The following MAST4 variants were observed in gnomAD, a reference collection of about 807,000 sequenced individuals.
MAST4 encodes the protein microtubule-associated serine/threonine-protein kinase 4.
MAST4 carries 89 observed loss-of-function variants against 162.7 expected under a neutral mutation model. The ratio of observed to expected loss-of-function variants is 0.55; its 90% CI spans 0.46 to 0.65. MAST4 has a LOEUF of 0.65. Among genes scored for constraint, MAST4 ranks in the 30% least tolerant of loss-of-function variants. The probability of loss-of-function intolerance (pLI) is 0.00; values close to 1 mark genes in which losing one functional copy is unlikely to be tolerated. For synonymous variants in MAST4, 1,479 were observed against 1,361.1 expected (o/e 1.09, Z -1.91); for missense variants, 3,153 against 3,374.0 (o/e 0.93, Z 1.62).
At chr5:66,709,218 G>A (rs779528893) in intron 1 of MAST4, among the ~76,000 whole-genome samples, 1 of 152,004 alleles carries the variant, frequency 6.6e-6, no homozygotes, top group African/African-American at 2.4e-5. Context: ...CTGATACTTT[G>A]CTTTGTTTGA....
chr5:67,094,438 T>C, intron 6 of MAST4, among the ~76,000 whole-genome samples: 1 of 152,244 alleles, frequency 6.6e-6, no homozygotes, highest in East Asian at 1.9e-4. Context: ...TGTCCACTCT[T>C]GTCACTTGGC....
chr5:66,804,562 G>C (rs1192003041), intron 3 of MAST4, among the ~76,000 whole-genome samples: 1 of 152,228 alleles, frequency 6.6e-6, no homozygotes, highest in Non-Finnish European at 1.5e-5. Context: ...TGTCACTTCT[G>C]CCCACTGGCC....
At chr5:66,810,347 C>T (rs149172601) in intron 3 of MAST4, among the ~76,000 whole-genome samples, 22 of 152,304 alleles carry the variant, frequency 1.4e-4, no homozygotes, top group African/African-American at 2.9e-4. Context: ...CCGTCCCACG[C>T]GGTCACTCAG....
At chr5:66,818,813 G>T (rs755521676) in intron 3 of MAST4, among the ~76,000 whole-genome samples, 2 of 152,172 alleles carry the variant, frequency 1.3e-5, no homozygotes, top group Non-Finnish European at 2.9e-5. Flanking sequence ...GGCATACAAA[G>T]CCTGAATTCT....
intron 4 of MAST4, among the ~76,000 whole-genome samples, chr5:66,929,820 T>C (rs188366013): frequency 6.6e-6 from 1 of 152,338 alleles, no homozygotes; most frequent in Admixed American, 6.5e-5. Context: ...AGGTAGACTC[T>C]ACATGCTAAG....
At chr5:66,954,254 C>T (rs1745031123) in intron 4 of MAST4, among the ~76,000 whole-genome samples, 1 of 152,252 alleles carries the variant, frequency 6.6e-6, no homozygotes, top group Admixed American at 6.5e-5. Context: ...GCCTTCCAGC[C>T]GGCAAAGGTC....
intron 3 of MAST4, among the ~76,000 whole-genome samples, chr5:66,817,759 G>C (rs371758754): frequency 1.6e-3 from 238 of 152,268 alleles, no homozygotes; most frequent in African/African-American, 5.6e-3. Context: ...GAAACACATT[G>C]TGCATTAATG....
At chr5:66,885,160 T>C (rs1761959210) in intron 3 of MAST4, among the ~76,000 whole-genome samples, 1 of 152,196 alleles carries the variant, frequency 6.6e-6, no homozygotes, top group Non-Finnish European at 1.5e-5. Context: ...CGTTTCTCAG[T>C]CAATATGTTT....
chr5:66,672,816 A>G (rs1747691026), intron 1 of MAST4, among the ~76,000 whole-genome samples: 1 of 152,164 alleles, frequency 6.6e-6, no homozygotes, highest in South Asian at 2.1e-4. Flanking sequence ...CAGGGCTGTT[A>G]AGTCATAGAA....
intron 1 of MAST4, among the ~76,000 whole-genome samples, chr5:66,735,419 A>G (rs1275189221): frequency 6.6e-6 from 1 of 152,212 alleles, no homozygotes; most frequent in Non-Finnish European, 1.5e-5. Context: ...CTTTTATATG[A>G]ACATATGTAT....
intron 5 of MAST4, among the ~76,000 whole-genome samples, chr5:67,069,881 AGTGTGTGTGTGTGT>A (rs200867949): frequency 1.3e-4 from 19 of 142,756 alleles, no homozygotes; most frequent in East Asian, 1.0e-3. Flanking sequence ...TTTGAGAGAA[AGTGTGTGTGTGTGT>A]GTGTGTGTGT....
At chr5:67,070,698 A>G (rs1034708528) in intron 5 of MAST4, among the ~76,000 whole-genome samples, 1 of 152,204 alleles carries the variant, frequency 6.6e-6, no homozygotes, top group Non-Finnish European at 1.5e-5. Flanking sequence ...TTGAGTAGGA[A>G]TGAATGCTGT....
chr5:66,798,105 G>A (rs890595756), intron 3 of MAST4, among the ~76,000 whole-genome samples: 8 of 152,068 alleles, frequency 5.3e-5, no homozygotes, highest in African/African-American at 1.2e-4. Context: ...GGTATTTTCC[G>A]GTACTTTAGC....
intron 4 of MAST4, among the ~76,000 whole-genome samples, chr5:66,901,884 A>ACT (rs559380803): frequency 3.0e-4 from 46 of 152,236 alleles, no homozygotes; most frequent in African/African-American, 1.1e-3. Context: ...GCCAGTAATT[A>ACT]CTCTCCTCAT....
chr5:67,004,820 A>G, intron 4 of MAST4: 1 of 590,976 alleles, frequency 1.7e-6, no homozygotes, highest in Non-Finnish European at 3.0e-6. Context: ...TACTTCTCAG[A>G]CATGCTCCAA....
intron 5 of MAST4, among the ~76,000 whole-genome samples, chr5:67,058,552 T>A (rs1759151337): frequency 6.6e-6 from 1 of 152,242 alleles, no homozygotes; most frequent in Non-Finnish European, 1.5e-5. Flanking sequence ...GTTAAGTAAA[T>A]AATGATTCAG....
rs184173710 is a variant in MAST4, at chr5:67,125,258, T to G, written c.1745+4156T>G. Among the ~76,000 whole-genome samples the G allele has an allele frequency of 2.6e-3, 401 of 152,258 alleles. 6 individuals carry two copies. The highest frequency in any genetic ancestry group is 1.9e-4 in the Non-Finnish European group (13 of 68,030). ...ACACCCTTTTTTGGTTCTTTTTTTT[T>G]TTTGTTATTATACTTTTAAGTTCTG... is the stretch of plus-strand genomic sequence containing the variant. On this transcript the variant is annotated intron_variant, in intron 14 of 28. Transcript: ENST00000403625.
intron 4 of MAST4, among the ~76,000 whole-genome samples, chr5:66,975,662 G>T (rs556763560): frequency 1.3e-5 from 2 of 152,262 alleles, no homozygotes; most frequent in East Asian, 3.9e-4. Context: ...AACATGACCA[G>T]TCCTGCTTCC....
At chr5:66,697,576 A>G (rs1434421557) in intron 1 of MAST4, among the ~76,000 whole-genome samples, 5 of 152,232 alleles carry the variant, frequency 3.3e-5, no homozygotes, top group Non-Finnish European at 7.3e-5. Flanking sequence ...AGGCAATTGA[A>G]CCAAAATAAG....
Sources: allele counts gnomAD v4.1 joint callset (sites outside exome capture counted in the v4.1 genomes callset), GRCh38; gene constraint gnomAD v4.1.1; transcripts MANE v1.5; gene names NCBI Gene and HGNC (gene_info 2026-07-23, HGNC 2026-07-21).